PIK3C2A: variants seen among roughly 807,000 people sequenced by gnomAD.
PIK3C2A encodes the protein phosphatidylinositol-4-phosphate 3-kinase catalytic subunit type 2 alpha.
In PIK3C2A, 97 loss-of-function variants were observed where a neutral mutation model predicts 204.5. The observed-to-expected ratio is 0.47, with a 90% CI of 0.40 to 0.56. The LOEUF is 0.56. PIK3C2A is among the 20% of genes least tolerant of loss of function. PIK3C2A has a pLI of 0.00. For missense variants in PIK3C2A, 1,735 were observed against 1,969.2 expected, an observed-to-expected ratio of 0.88 and a Z score of 2.25; for synonymous variants, 653 against 664.4, an observed-to-expected ratio of 0.98 and a Z score of 0.26.
At chr11:17,193,017 T>C (rs1851994328) in intron 1 of PIK3C2A, among the ~76,000 whole-genome samples, 1 of 119,336 alleles carries the variant, frequency 8.4e-6, no homozygotes, top group Non-Finnish European at 2.0e-5. Context: ...GTGGGATTAA[T>C]ACCATAACTG....
chr11:17,111,807 G>A (rs544539915), intron 21 of PIK3C2A, among the ~76,000 whole-genome samples: 1 of 149,638 alleles, frequency 6.7e-6, no homozygotes, highest in South Asian at 2.1e-4. Context: ...AACTAGGGAG[G>A]TGAAGGTTGC....
rs1233330108 is a variant in PIK3C2A, at chr11:17,112,545, A to G, written c.3414+29T>C. On this transcript the variant is annotated intron_variant, in intron 21 of 32. Transcript: ENST00000691414. The stretch of plus-strand genomic sequence containing the variant: ...TTGATAAAAAAATTTCTAAATTGCC[A>G]TTAAAAAACAGTAACATTATTTACT... The G allele has an allele frequency of 2.7e-6, 3 of 1,096,004 alleles. No homozygotes were observed. The Admixed American group carries it at 6.6e-5, about 24-fold the overall frequency. 67.9% of individuals were successfully genotyped at this position (1,096,004 alleles called of 1,614,324 possible).
intron 1 of PIK3C2A, chr11:17,194,438 A>G (rs1852068603): frequency 5.9e-6 from 1 of 168,520 alleles, no homozygotes; most frequent in African/African-American, 2.4e-5. Flanking sequence ...GAAAAAAGAA[A>G]TTGCTAAATA....
intron 13 of PIK3C2A, 94 bp downstream of exon 13, chr11:17,129,206 T>C: frequency 7.6e-6 from 7 of 924,530 alleles, no homozygotes; most frequent in South Asian, 1.6e-5. Context: ...CATTCACTCA[T>C]CTATGTTCCT....
chr11:17,149,810 T>C (rs1345036504), intron 4 of PIK3C2A, among the ~76,000 whole-genome samples: 2 of 152,162 alleles, frequency 1.3e-5, no homozygotes, highest in African/African-American at 2.4e-5. Flanking sequence ...TTCAGATTTA[T>C]ATTTTTTCAA....
chr11:17,184,392 T>C (rs772080135), intron 1 of PIK3C2A, among the ~76,000 whole-genome samples: 12 of 152,156 alleles, frequency 7.9e-5, no homozygotes, highest in Non-Finnish European at 1.6e-4. Context: ...TTGATTATCC[T>C]GACCTTGTGT....
chr11:17,130,675 C>T (rs909938381), intron 12 of PIK3C2A, among the ~76,000 whole-genome samples: 1 of 151,342 alleles, frequency 6.6e-6, no homozygotes, highest in African/African-American at 2.4e-5. Flanking sequence ...GGCATGGTGG[C>T]ACACACCTGT....
Position 17,089,676 on chromosome 11 carries a change from T to G in PIK3C2A, c.*62A>C. ...GTGTGTGTGTGTGTGTCTGTGTGTG[T>G]GTGCATGTATGCATGCACGTTTATA... On this transcript the variant is annotated 3_prime_UTR_variant, in exon 33 of 33. Transcript: ENST00000691414. 1 of 908,960 alleles carries G rather than the reference T, an allele frequency of 1.1e-6. No homozygotes were observed. The highest frequency in any genetic ancestry group is 1.5e-5 in the South Asian group (1 of 66,332). The allele number at this position is 908,960 out of a possible 1,614,324, so 56.3% of individuals were successfully genotyped here. A position where few individuals can be genotyped will look rare whatever the true frequency, so the allele number is the denominator to read the frequency against.
At chr11:17,137,060 G>A (rs547953683) in intron 8 of PIK3C2A, among the ~76,000 whole-genome samples, 21 of 152,158 alleles carry the variant, frequency 1.4e-4, no homozygotes, top group South Asian at 2.1e-4. Flanking sequence ...AACATTTACC[G>A]GAGAAGTACA....
Position 17,094,331 on chromosome 11 carries a change from G to A in PIK3C2A, c.4381C>T (p.Arg1461Ter). 6.2e-7 allele frequency: 1 copy of A among 1,610,126 alleles called. No homozygotes were observed. The highest frequency in any genetic ancestry group is 8.5e-7 in the Non-Finnish European group (1 of 1,176,486). The stretch of plus-strand genomic sequence containing the variant: ...AGTTCCTGAAATTCGTCAAATGTTC[G>A]GAAGACAAATGATGGTTCAATCTGT... Reference protein sequence around the residue: ...EGQIEPSFVFRTFDEFQELHN... With the variant: ...EGQIEPSFVF The change falls in exon 28 of 33, where the codon CGA becomes TGA. Residue 1461 changes from arginine (R) to a stop codon, truncating the protein, a stop_gained. Transcript: ENST00000691414. LOFTEE classifies it high-confidence loss of function.
chr11:17,150,790 GA>G, intron 3 of PIK3C2A, 135 bp from the exon 4 acceptor site: 1 of 465,332 alleles, frequency 2.1e-6, no homozygotes. Flanking sequence ...AAACTGCAAT[GA>G]ATGAGCTCCT....
In PIK3C2A at chr11:17,155,609, A is replaced by G. The variant is rs145368661; in HGVS notation, c.1086T>C (p.Ser362=). 5.0e-6 allele frequency: 8 copies of G among 1,603,332 alleles called. No individual in the cohort carries two copies. The African/African-American group carries it at 6.7e-5, about 13-fold the overall frequency. The change falls in exon 3 of 33, where the codon AGT becomes AGC. Residue 362 remains serine, a synonymous_variant. Coordinates refer to ENST00000691414, the MANE Select transcript of PIK3C2A (RefSeq NM_002645.4). ...HISQKDPNGT[S]SLPTGSSLLQ... ...GAAGAGAACTTCCAGTTGGCAAACT[A>G]CTGGTCCCATTTGGGTCTTTCTGTA...
intron 22 of PIK3C2A, among the ~76,000 whole-genome samples, chr11:17,106,284 C>A (rs1347867052): frequency 2.6e-5 from 4 of 151,722 alleles, no homozygotes; most frequent in African/African-American, 7.3e-5. Context: ...TGGTGACACA[C>A]ACCTGCAGTC....
chr11:17,195,777 C>T (rs572755650), intron 1 of PIK3C2A, among the ~76,000 whole-genome samples: 3 of 144,082 alleles, frequency 2.1e-5, no homozygotes, highest in Non-Finnish European at 3.0e-5. Context: ...CGCTGGCTCA[C>T]GCCTGTAATC....
intron 1 of PIK3C2A, among the ~76,000 whole-genome samples, chr11:17,170,869 C>T (rs568249158): frequency 4.6e-5 from 7 of 152,046 alleles, no homozygotes; most frequent in East Asian, 3.9e-4. Context: ...TTTGGGAGGC[C>T]GAGGTGGGCA....
rs768883651 is a variant in PIK3C2A at position 17,114,405 on chromosome 11, G to A, written c.3277C>T (p.Leu1093Phe). The A allele has an allele frequency of 7.5e-6, 12 of 1,596,792 alleles. No individual in the cohort carries two copies. The African/African-American group carries it at 1.5e-4, about 20-fold the overall frequency. ...GCCACTAGACTTGGCTTGAGAGGGA[G>A]ACGGCATTTATTTTTCTGAAAAAAG... ...QSFFQKNKCR[L>F]PLKPSLVAKE... The change falls in exon 20 of 33, where the codon CTC (leucine) becomes TTC (phenylalanine). Residue 1093 changes from leucine to phenylalanine, a missense_variant. Physicochemically the swap from Leu to Phe is conservative, Grantham distance 22. Around this residue, in one of 6 missense-constraint regions of PIK3C2A, gnomAD observed 567 missense variants for 576.0 expected, o/e 0.98. Coordinates refer to ENST00000691414, the MANE Select transcript of PIK3C2A (RefSeq NM_002645.4).
chr11:17,142,815 A>G (rs1850109916), intron 8 of PIK3C2A, among the ~76,000 whole-genome samples: 1 of 152,208 alleles, frequency 6.6e-6, no homozygotes, highest in Non-Finnish European at 1.5e-5. Context: ...GTACAGTTTC[A>G]GGGAAGTACT....
chr11:17,110,022 G>T (rs188235798), intron 22 of PIK3C2A, among the ~76,000 whole-genome samples: 1 of 151,766 alleles, frequency 6.6e-6, no homozygotes, highest in East Asian at 1.9e-4. Flanking sequence ...ATGCAATCTC[G>T]GCTCACTGCA....
At chr11:17,106,977 C>A (rs773621225) in intron 22 of PIK3C2A, among the ~76,000 whole-genome samples, 5 of 152,152 alleles carry the variant, frequency 3.3e-5, no homozygotes, top group Admixed American at 2.0e-4. Context: ...AATATAAATG[C>A]CTGGCTGAAC....
Sources: gnomAD v4.1 joint callset for allele counts (sites outside exome capture counted in the v4.1 genomes callset) on GRCh38, gnomAD v4.1.1 for gene constraint, gnomAD v4.1.1 regional missense constraint, MANE v1.5 for transcripts, NCBI Gene and HGNC (gene_info 2026-07-23, HGNC 2026-07-21) for gene names.